SEMA5A: variants seen among roughly 807,000 people sequenced by gnomAD.
The protein encoded by SEMA5A is semaphorin-5A.
A neutral mutation model predicts 135.5 loss-of-function variants in SEMA5A; 55 were observed. The ratio of observed to expected loss-of-function variants is 0.41; its 90% confidence interval spans 0.33 to 0.51. The LOEUF (loss-of-function observed/expected upper bound fraction) is 0.51. Ranked by LOEUF, SEMA5A falls within the 20% of genes least tolerant of loss-of-function variation. SEMA5A has a pLI of 0.37. For missense variants in SEMA5A, 1,290 were observed against 1,419.9 expected, an observed-to-expected ratio of 0.91 and a Z score of 1.47; for synonymous variants, 580 against 546.5, an observed-to-expected ratio of 1.06 and a Z score of -0.85.
chr5:9,478,697 T>C (rs997312997), intron 1 of SEMA5A, among the ~76,000 whole-genome samples: 11 of 152,354 alleles, frequency 7.2e-5, no homozygotes, highest in Admixed American at 2.6e-4. Flanking sequence ...TGTACTCCCA[T>C]TGTATCTTGG....
At chr5:9,156,033 C>T (rs140886199) in intron 11 of SEMA5A, among the ~76,000 whole-genome samples, 31 of 151,916 alleles carry the variant, frequency 2.0e-4, no homozygotes, top group African/African-American at 5.8e-4. Context: ...ATGCTATATG[C>T]GGGGAAGATT....
chr5:9,202,008 A>G lies in SEMA5A; in HGVS notation c.879T>C (p.Ser293=), dbSNP rs1335473931. Residue 293 remains serine, a synonymous_variant, in exon 9 of 23, where the codon AGT becomes AGC. Transcript: ENST00000382496. ...AATCCAGCTCAGGCAGGAAGAAAGT[A>G]CTCTGCAATTCGTTGTAGTAAAAGG... ...EVPFYYNELQ[S]TFFLPELDLI... The G allele has an allele frequency of 1.2e-6, 2 of 1,614,158 alleles. No homozygotes were observed. Among genetic ancestry groups the G allele is most frequent in the Non-Finnish European group, 1.7e-6 (2 of 1,180,024 alleles).
chr5:9,370,395 T>C (rs1258021672), intron 3 of SEMA5A, among the ~76,000 whole-genome samples: 2 of 152,184 alleles, frequency 1.3e-5, no homozygotes, highest in Non-Finnish European at 2.9e-5. Context: ...GAGGAATCCA[T>C]TCATTTTGGT....
At chr5:9,205,802 C>T (rs1745981408) in intron 8 of SEMA5A, among the ~76,000 whole-genome samples, 1 of 152,204 alleles carries the variant, frequency 6.6e-6, no homozygotes, top group South Asian at 2.1e-4. Context: ...CGGCCCTACA[C>T]TGATCCTTCA....
intron 2 of SEMA5A, among the ~76,000 whole-genome samples, chr5:9,380,571 G>A (rs1001242122): frequency 2.6e-5 from 4 of 152,156 alleles, no homozygotes; most frequent in African/African-American, 9.7e-5. Flanking sequence ...AGTGATGCAG[G>A]ATAACCTTTT....
At chr5:9,472,068 C>G (rs191381856) in intron 1 of SEMA5A, among the ~76,000 whole-genome samples, 1 of 152,302 alleles carries the variant, frequency 6.6e-6, no homozygotes, top group East Asian at 1.9e-4. Context: ...CATATGTATA[C>G]ATGTGCCATG....
chr5:9,242,622 T>C (rs1298578713), intron 5 of SEMA5A, among the ~76,000 whole-genome samples: 2 of 151,654 alleles, frequency 1.3e-5, no homozygotes, highest in South Asian at 4.2e-4. Flanking sequence ...TGGGGAAGAG[T>C]GGGAGCGGGG....
intron 3 of SEMA5A, among the ~76,000 whole-genome samples, chr5:9,378,027 T>A (rs1329848904): frequency 6.6e-6 from 1 of 152,202 alleles, no homozygotes; most frequent in Non-Finnish European, 1.5e-5. Context: ...AATTTCACCA[T>A]GTACAAGGAT....
chr5:9,531,684 G>A (rs1312190647), intron 1 of SEMA5A, among the ~76,000 whole-genome samples: 1 of 152,170 alleles, frequency 6.6e-6, no homozygotes, highest in Non-Finnish European at 1.5e-5. Context: ...TGGTATCCAT[G>A]CCAGGACAAG....
chr5:9,415,741 G>T (rs1414415749), intron 2 of SEMA5A, among the ~76,000 whole-genome samples: 1 of 152,134 alleles, frequency 6.6e-6, no homozygotes, highest in African/African-American at 2.4e-5. Flanking sequence ...AAATCAAAAT[G>T]ATTACTGTCT....
rs527911866 is a variant in SEMA5A at position 9,331,237 on chromosome 5, G to A, written c.224+6476C>T. Among the ~76,000 whole-genome samples, 25 of 152,172 alleles carry A rather than the reference G, an allele frequency of 1.6e-4. No homozygotes were observed. The South Asian group carries it at 1.9e-3, about 11-fold the overall frequency. On this transcript the variant is annotated intron_variant, in intron 4 of 22. Coordinates refer to ENST00000382496, the MANE Select transcript of SEMA5A (RefSeq NM_003966.3). ...AGTAAAAATAAGAATTATAATCACCGAAAAATAATGATATTGGCCAGTTGT... is the reference window on the plus strand; with the variant it reads ...AGTAAAAATAAGAATTATAATCACCAAAAAATAATGATATTGGCCAGTTGT...
intron 11 of SEMA5A, among the ~76,000 whole-genome samples, chr5:9,161,437 G>C (rs577078448): frequency 6.6e-6 from 1 of 152,118 alleles, no homozygotes; most frequent in South Asian, 2.1e-4. Context: ...GGAAACAGGT[G>C]AATAAATTTT....
At chr5:9,529,997 T>C (rs1303389977) in intron 1 of SEMA5A, among the ~76,000 whole-genome samples, 1 of 152,174 alleles carries the variant, frequency 6.6e-6, no homozygotes, top group Non-Finnish European at 1.5e-5. Context: ...TACCTGGTGT[T>C]CGACAAGGCT....
At chr5:9,312,344 C>CAAA in intron 5 of SEMA5A, among the ~76,000 whole-genome samples, 1 of 88,530 alleles carries the variant, frequency 1.1e-5, no homozygotes, top group Non-Finnish European at 2.5e-5. Context: ...CAGTGAGTTG[C>CAAA]AAAAAAAAAA....
intron 8 of SEMA5A, among the ~76,000 whole-genome samples, chr5:9,221,277 A>T (rs1302844044): frequency 6.6e-6 from 1 of 150,560 alleles, no homozygotes; most frequent in African/African-American, 2.4e-5. Flanking sequence ...CTTACTTAAG[A>T]GAAAAGGCAT....
intron 2 of SEMA5A, among the ~76,000 whole-genome samples, chr5:9,429,666 A>G (rs1287821102): frequency 6.6e-6 from 1 of 152,232 alleles, no homozygotes; most frequent in East Asian, 1.9e-4. Flanking sequence ...CCAAGGAGCA[A>G]TCTTCAGGGA....
At chr5:9,267,996 T>A (rs765175723) in intron 5 of SEMA5A, among the ~76,000 whole-genome samples, 4 of 152,122 alleles carry the variant, frequency 2.6e-5, no homozygotes, top group Non-Finnish European at 5.9e-5. Context: ...ACATCCTGTA[T>A]CATAATAATA....
chr5:9,364,071 A>G (rs1754812831), intron 3 of SEMA5A, among the ~76,000 whole-genome samples: 1 of 152,200 alleles, frequency 6.6e-6, no homozygotes, highest in Non-Finnish European at 1.5e-5. Context: ...AATGATAAAC[A>G]CATGCAAAGT....
At chr5:9,243,342 T>C (rs902176230) in intron 5 of SEMA5A, among the ~76,000 whole-genome samples, 1 of 152,194 alleles carries the variant, frequency 6.6e-6, no homozygotes, top group African/African-American at 2.4e-5. Flanking sequence ...TTTTTCTTTG[T>C]CCAAATGTTC....
Sources: allele counts gnomAD v4.1 joint callset (sites outside exome capture counted in the v4.1 genomes callset), GRCh38; gene constraint gnomAD v4.1.1; transcripts MANE v1.5; gene names NCBI Gene and HGNC (gene_info 2026-07-23, HGNC 2026-07-21).